The following AFF3 variants were observed in gnomAD, a reference collection of about 807,000 sequenced individuals.
AFF3 encodes the protein ALF transcription elongation factor 3, also known as AF4/FMR2 family member 3.
In AFF3, 32 loss-of-function variants were observed where a neutral mutation model predicts 129.7. The ratio of observed to expected loss-of-function variants is 0.25; its 90% confidence interval spans 0.19 to 0.33. The LOEUF is 0.33. Among genes scored for constraint, AFF3 ranks in the 10% least tolerant of loss-of-function variants. AFF3 has a pLI of 1.00. For synonymous variants in AFF3, 644 were observed against 635.4 expected (o/e 1.01, Z -0.20); for missense variants, 1,373 against 1,592.0 (o/e 0.86, Z 2.34).
intron 11 of AFF3, among the ~76,000 whole-genome samples, chr2:99,683,448 TTTTC>T (rs1191089750): frequency 6.6e-6 from 1 of 152,144 alleles, no homozygotes; most frequent in South Asian, 2.1e-4. Flanking sequence ...TTCCTTTTCT[TTTTC>T]TTTCTTTTTT....
intron 13 of AFF3, among the ~76,000 whole-genome samples, chr2:99,628,164 C>T (rs1357392902): frequency 6.6e-6 from 1 of 152,138 alleles, no homozygotes; most frequent in African/African-American, 2.4e-5. Context: ...GGCAGTATGG[C>T]CATTTTCATG....
rs1689569490 is a variant in AFF3 at position 100,087,874 on chromosome 2, G to T, written c.53+16528C>A. Among the ~76,000 whole-genome samples, 3 of 145,866 alleles carry T rather than the reference G, an allele frequency of 2.1e-5. 1 individual carries two copies. The South Asian group carries it at 6.9e-4, about 34-fold the overall frequency. On this transcript the variant is annotated intron_variant, in intron 4 of 24. Transcript: ENST00000672756. Reference sequence around the variant, plus strand: ...TAAAGTATATAAAAGTATATTAATAGATTAAAGTATATTAAAGTATATTAA... The same window carrying T: ...TAAAGTATATAAAAGTATATTAATATATTAAAGTATATTAAAGTATATTAA...
chr2:99,982,424 C>T (rs904157900), intron 7 of AFF3, among the ~76,000 whole-genome samples: 2 of 152,230 alleles, frequency 1.3e-5, no homozygotes, highest in Non-Finnish European at 2.9e-5. Flanking sequence ...CCTCCCCAGC[C>T]ATGCGGACCT....
At chr2:99,892,605 C>T (rs1444249505) in intron 7 of AFF3, among the ~76,000 whole-genome samples, 1 of 152,140 alleles carries the variant, frequency 6.6e-6, no homozygotes, top group Non-Finnish European at 1.5e-5. Flanking sequence ...CTTCAAAGGG[C>T]CCTGCCTGCA....
chr2:99,638,549 G>A (rs765569099), intron 13 of AFF3, among the ~76,000 whole-genome samples: 3 of 152,134 alleles, frequency 2.0e-5, no homozygotes, highest in Non-Finnish European at 4.4e-5. Flanking sequence ...GTGGGGCTGT[G>A]CCCAGCTGTC....
intron 12 of AFF3, among the ~76,000 whole-genome samples, chr2:99,657,137 G>A (rs537185872): frequency 6.6e-6 from 1 of 152,252 alleles, no homozygotes; most frequent in East Asian, 1.9e-4. Context: ...AGGGCCTGAG[G>A]AGCATGCCAA....
intron 7 of AFF3, among the ~76,000 whole-genome samples, chr2:99,840,081 T>C (rs1576155050): frequency 2.0e-5 from 3 of 152,358 alleles, no homozygotes; most frequent in Admixed American, 2.0e-4. Context: ...TCTTAGCAGA[T>C]ATATGATTTA....
intron 4 of AFF3, among the ~76,000 whole-genome samples, chr2:100,016,138 ATGG>A (rs1301938328): frequency 3.1e-5 from 4 of 130,192 alleles, no homozygotes; most frequent in African/African-American, 5.9e-5. Flanking sequence ...GGTGGTGGTG[ATGG>A]TGGTGGTGGT....
At chr2:99,701,152 G>T (rs1375055378) in intron 11 of AFF3, among the ~76,000 whole-genome samples, 2 of 152,184 alleles carry the variant, frequency 1.3e-5, no homozygotes, top group Non-Finnish European at 2.9e-5. Flanking sequence ...ATGTGTGGGT[G>T]TGGACGTGGG....
chr2:99,584,811 G>A (rs991223423), intron 16 of AFF3, among the ~76,000 whole-genome samples: 12 of 152,154 alleles, frequency 7.9e-5, no homozygotes, highest in Non-Finnish European at 1.5e-4. Flanking sequence ...TTATTCTTGG[G>A]GTTGGGATCT....
chr2:99,587,162 G>A lies in AFF3; in HGVS notation c.2583C>T (p.Asn861=). ...GGAGGGAATGCACGTACCTGTTGATGTTCATGTTGCAGTGGTTTGCAGACA... is the reference window on the plus strand; with the variant it reads ...GGAGGGAATGCACGTACCTGTTGATATTCATGTTGCAGTGGTTTGCAGACA... The part of the protein sequence containing the change: ...NTLSANHCNM[N]INSVAIPINK... The change falls in exon 16 of 25, where the codon AAC becomes AAT. Residue 861 remains asparagine, a synonymous_variant. Transcript: ENST00000672756. 1 of 1,614,146 alleles carries A rather than the reference G, an allele frequency of 6.2e-7. No individual in the cohort carries two copies. The highest frequency in any genetic ancestry group is 8.5e-7 in the Non-Finnish European group (1 of 1,180,026).
chr2:99,926,798 A>G (rs1356658360), intron 7 of AFF3, among the ~76,000 whole-genome samples: 1 of 151,832 alleles, frequency 6.6e-6, no homozygotes, highest in Non-Finnish European at 1.5e-5. Context: ...GCTTCTGTTG[A>G]CCTCTTTCTG....
chr2:99,593,378 A>G lies in AFF3; in HGVS notation c.2283T>C (p.Asp761=). ...TTTTGACCCAGAGAGACCTGATCTC[A>G]TCACTGTCCTTTAGAGGGGAGAGAA... is the stretch of plus-strand genomic sequence containing the variant. The part of the protein sequence containing the change: ...NELLSPLKDS[D]EIRSLWVKID... Residue 761 remains aspartate, a synonymous_variant, in exon 15 of 25, where the codon GAT becomes GAC. Coordinates refer to ENST00000672756, the MANE Select transcript of AFF3 (RefSeq NM_001386135.1). The G allele has an allele frequency of 1.2e-6, 2 of 1,614,050 alleles. No individual in the cohort carries two copies. Among genetic ancestry groups the G allele is most frequent in the East Asian group, 4.5e-5 (2 of 44,844 alleles).
At chr2:99,673,189 G>A (rs550648728) in intron 11 of AFF3, among the ~76,000 whole-genome samples, 1 of 152,080 alleles carries the variant, frequency 6.6e-6, no homozygotes, top group South Asian at 2.1e-4. Context: ...ATGGTAAAGA[G>A]AGATGAGAAA....
chr2:99,814,454 G>A (rs1687055552), intron 8 of AFF3, among the ~76,000 whole-genome samples: 1 of 152,172 alleles, frequency 6.6e-6, no homozygotes, highest in Admixed American at 6.5e-5. Context: ...GCATAGGGAA[G>A]GAAGGGCAGG....
intron 7 of AFF3, among the ~76,000 whole-genome samples, chr2:99,868,744 T>C (rs2105950389): frequency 6.6e-6 from 1 of 152,324 alleles, no homozygotes; most frequent in Admixed American, 6.5e-5. Context: ...TGTATGAAGC[T>C]GTCTCTTTGT....
chr2:99,917,391 G>A (rs962215537), intron 7 of AFF3, among the ~76,000 whole-genome samples: 3 of 151,868 alleles, frequency 2.0e-5, no homozygotes, highest in African/African-American at 4.9e-5. Context: ...AAGGGAGATC[G>A]GGGAGTGGAT....
intron 8 of AFF3, among the ~76,000 whole-genome samples, chr2:99,764,725 TG>T (rs1682871635): frequency 6.6e-6 from 1 of 152,142 alleles, no homozygotes; most frequent in South Asian, 2.1e-4. Context: ...TTTAGGAAGA[TG>T]GTTTTGCTGC....
chr2:99,561,359 T>C (rs1289885965), intron 20 of AFF3, among the ~76,000 whole-genome samples: 2 of 152,384 alleles, frequency 1.3e-5, no homozygotes, highest in South Asian at 2.1e-4. Flanking sequence ...GTAGCATTTT[T>C]CAGTGTTATC....
Sources: gnomAD v4.1 joint callset for allele counts (sites outside exome capture counted in the v4.1 genomes callset) on GRCh38, gnomAD v4.1.1 for gene constraint, MANE v1.5 for transcripts, NCBI Gene and HGNC (gene_info 2026-07-23, HGNC 2026-07-21) for gene names.